Variants in PTPRK observed in about 807,000 individuals in gnomAD.
The protein encoded by PTPRK is receptor-type tyrosine-protein phosphatase kappa.
Under a neutral mutation model 178.0 loss-of-function variants are expected in PTPRK, and 75 were observed. That is an observed-to-expected ratio of 0.42 (90% CI 0.35 to 0.51). PTPRK has a LOEUF of 0.51. Ranked by LOEUF, PTPRK falls within the 20% of genes least tolerant of loss-of-function variation. PTPRK has a pLI of 0.02. For synonymous variants in PTPRK, 637 were observed against 620.6 expected (o/e 1.03, Z -0.39); for missense variants, 1,441 against 1,797.8 (o/e 0.80, Z 3.59).
intron 1 of PTPRK, among the ~76,000 whole-genome samples, chr6:128,503,887 G>A (rs1407889767): frequency 1.6e-5 from 2 of 127,168 alleles, no homozygotes; most frequent in Non-Finnish European, 3.2e-5. Flanking sequence ...TGTGTGTGTA[G>A]AGATAAGGTC....
intron 6 of PTPRK, among the ~76,000 whole-genome samples, chr6:128,200,122 G>C (rs997651421): frequency 2.0e-5 from 3 of 152,120 alleles, no homozygotes; most frequent in Admixed American, 2.0e-4. Context: ...ACATTTCCCA[G>C]AGCATCTCTC....
intron 6 of PTPRK, among the ~76,000 whole-genome samples, chr6:128,202,291 C>T (rs1806104745): frequency 6.6e-6 from 1 of 152,182 alleles, no homozygotes; most frequent in South Asian, 2.1e-4. Flanking sequence ...TTATGTAACC[C>T]TGCCCCGGGG....
intron 7 of PTPRK, among the ~76,000 whole-genome samples, chr6:128,159,675 T>TA (rs753522907): frequency 1.7e-3 from 253 of 149,484 alleles, no homozygotes; most frequent in Admixed American, 4.0e-3. Flanking sequence ...CTCTTGTATT[T>TA]AAAAAAAAAA....
In PTPRK at chr6:128,067,764, G is replaced by A. The variant is rs1782072638; in HGVS notation, c.1912C>T (p.His638Tyr). ...SAYQIVVEEL[H>Y]PHRTKREAGA... is the part of the protein sequence containing the mutation. ...GCTTCTCTCTTGGTTCGGTGTGGGT[G>A]CAGTTCTTCCACAACAATCTGATAA... The change falls in exon 12 of 30, where the codon CAC (histidine) becomes TAC (tyrosine). Residue 638 changes from histidine (H) to tyrosine (Y), a missense_variant. Coordinates refer to ENST00000368226, the MANE Select transcript of PTPRK (RefSeq NM_002844.4). 6.2e-6 allele frequency: 10 copies of A among 1,608,452 alleles called. No individual in the cohort carries two copies. The highest frequency in any genetic ancestry group is 2.7e-5 in the African/African-American group (2 of 74,702).
At chr6:128,447,627 C>T (rs1336658892) in intron 1 of PTPRK, among the ~76,000 whole-genome samples, 2 of 146,976 alleles carry the variant, frequency 1.4e-5, no homozygotes, top group South Asian at 2.1e-4. Flanking sequence ...CAAAACCGTG[C>T]CTTTTTTTTT....
Position 127,975,113 on chromosome 6 carries a change from G to C in PTPRK, c.3970-1286C>G, listed in dbSNP as rs540029107. Among the ~76,000 whole-genome samples, 81 of 152,196 alleles carry C rather than the reference G, an allele frequency of 5.3e-4. No homozygotes were observed. The South Asian group carries it at 7.3e-3, about 14-fold the overall frequency. On this transcript the variant is annotated intron_variant, in intron 27 of 29. Transcript: ENST00000368226. ...AGAAAAAAAATCATGTACTAATAAG[G>C]ACCAGAATACCAAATACAGAGGCAG...
chr6:128,099,802 C>A (rs1393659259), intron 7 of PTPRK, among the ~76,000 whole-genome samples: 1 of 152,040 alleles, frequency 6.6e-6, no homozygotes, highest in African/African-American at 2.4e-5. Flanking sequence ...TGCCTTCATG[C>A]ATGATTAACA....
chr6:128,410,880 C>T (rs912375895), intron 1 of PTPRK, among the ~76,000 whole-genome samples: 1 of 152,068 alleles, frequency 6.6e-6, no homozygotes, highest in African/African-American at 2.4e-5. Flanking sequence ...TCCTTACCAG[C>T]CTTACGTTTG....
In PTPRK at chr6:128,179,494, G is replaced by A. The variant is rs183627199; in HGVS notation, c.1162+4938C>T. Among the ~76,000 whole-genome samples, 764 of 151,810 alleles carry A rather than the reference G, an allele frequency of 5.0e-3. 1 individual carries two copies. Among genetic ancestry groups the A allele is most frequent in the Middle Eastern group, 0.017 (5 of 294 alleles). On this transcript the variant is annotated intron_variant, in intron 7 of 29. Transcript: ENST00000368226. ...GTTTTTTATTTCAATAATAATAATAGCATTGCCTTTTAAATTTCTTGCTCA... is the reference window on the plus strand; with the variant it reads ...GTTTTTTATTTCAATAATAATAATAACATTGCCTTTTAAATTTCTTGCTCA...
At chr6:128,405,391 C>T (rs1346391349) in intron 1 of PTPRK, among the ~76,000 whole-genome samples, 1 of 152,098 alleles carries the variant, frequency 6.6e-6, no homozygotes, top group Non-Finnish European at 1.5e-5. Context: ...GGTGTTTTCC[C>T]AAAGATCATT....
chr6:128,325,547 G>A (rs1216442181), intron 2 of PTPRK, among the ~76,000 whole-genome samples: 2 of 152,026 alleles, frequency 1.3e-5, no homozygotes, highest in Non-Finnish European at 2.9e-5. Flanking sequence ...AGACATTTAT[G>A]CGGCCAACAA....
intron 1 of PTPRK, among the ~76,000 whole-genome samples, chr6:128,433,449 C>G (rs1440009199): frequency 6.6e-6 from 1 of 152,084 alleles, no homozygotes; most frequent in African/African-American, 2.4e-5. Context: ...TTGCAAATGA[C>G]CGGATTTCAT....
At chr6:128,350,918 C>CA (rs941458000) in intron 2 of PTPRK, among the ~76,000 whole-genome samples, 29 of 149,636 alleles carry the variant, frequency 1.9e-4, no homozygotes, top group African/African-American at 5.4e-4. Flanking sequence ...AGAAGCTAAG[C>CA]AAAAAAAAAG....
chr6:128,016,907 T>G (rs1246725440), intron 13 of PTPRK, among the ~76,000 whole-genome samples: 1 of 152,012 alleles, frequency 6.6e-6, no homozygotes, highest in Non-Finnish European at 1.5e-5. Context: ...ATGAGTCACT[T>G]TCTGGATTTT....
chr6:128,111,760 C>A (rs565393259), intron 7 of PTPRK, among the ~76,000 whole-genome samples: 1 of 152,146 alleles, frequency 6.6e-6, no homozygotes, highest in South Asian at 2.1e-4. Flanking sequence ...CATATCTTCT[C>A]CATGCTCAGT....
At chr6:128,294,885 T>C (rs1282529099) in intron 3 of PTPRK, among the ~76,000 whole-genome samples, 1 of 152,026 alleles carries the variant, frequency 6.6e-6, no homozygotes, top group Non-Finnish European at 1.5e-5. Context: ...TTTGTAAATA[T>C]GAGTAAAGAA....
At chr6:128,429,800 A>G (rs542206092) in intron 1 of PTPRK, among the ~76,000 whole-genome samples, 1 of 152,330 alleles carries the variant, frequency 6.6e-6, no homozygotes, top group African/African-American at 2.4e-5. Flanking sequence ...ATTATTAATT[A>G]GATAATTTCT....
chr6:128,003,159 C>G, intron 15 of PTPRK: 1 of 1,569,830 alleles, frequency 6.4e-7, no homozygotes, highest in Non-Finnish European at 8.7e-7. Context: ...GAGGTGTGAT[C>G]CATGCAATGA....
rs185392783 is a variant in PTPRK at position 128,338,488 on chromosome 6, C to T, written c.224-16178G>A. ...ATGAGTTCAAGTTCTTCAATGTAAA[C>T]AGCAGAATCCACTGTATCACTTTCA... On this transcript the variant is annotated intron_variant, in intron 2 of 29. Coordinates refer to ENST00000368226, the MANE Select transcript of PTPRK (RefSeq NM_002844.4). 1.4e-3 allele frequency among the ~76,000 whole-genome samples: 217 copies of T among 152,272 alleles called. 1 individual carries two copies. The highest frequency in any genetic ancestry group is 5.0e-3 in the African/African-American group (209 of 41,554).
Sources: allele counts gnomAD v4.1 joint callset (sites outside exome capture counted in the v4.1 genomes callset), GRCh38; gene constraint gnomAD v4.1.1; transcripts MANE v1.5; gene names NCBI Gene and HGNC (gene_info 2026-07-23, HGNC 2026-07-21).